Variants in ENOX1 observed in about 807,000 individuals in gnomAD.
The protein encoded by ENOX1 is candidate growth-related and time keeping constitutive hydroquinone (NADH) oxidase.
A neutral mutation model predicts 82.5 loss-of-function variants in ENOX1; 42 were observed. The observed-to-expected ratio is 0.51, with a 90% confidence interval of 0.40 to 0.66. ENOX1 has a LOEUF of 0.66. Ranked by LOEUF, ENOX1 falls within the 30% of genes least tolerant of loss-of-function variation. The pLI, the probability that ENOX1 is intolerant of heterozygous loss-of-function variation, is 0.00. For synonymous variants in ENOX1, 271 were observed against 282.2 expected, an observed-to-expected ratio of 0.96 and a Z score of 0.40; for missense variants, 608 against 811.6, an observed-to-expected ratio of 0.75 and a Z score of 3.05.
intron 2 of ENOX1, among the ~76,000 whole-genome samples, chr13:43,582,268 A>G (rs936101005): frequency 2.6e-5 from 4 of 152,182 alleles, no homozygotes; most frequent in Non-Finnish European, 5.9e-5. Flanking sequence ...CAGGATAGCT[A>G]AAGTCATGCT....
intron 12 of ENOX1, among the ~76,000 whole-genome samples, chr13:43,281,784 T>C (rs1226487508): frequency 3.9e-5 from 6 of 152,186 alleles, no homozygotes; most frequent in African/African-American, 1.4e-4. Flanking sequence ...AAGGTTAGTG[T>C]TGATGACTTT....
chr13:43,453,308 C>T (rs78516042), intron 3 of ENOX1, among the ~76,000 whole-genome samples: 2,214 of 152,268 alleles, frequency 0.015, 49 homozygotes, highest in African/African-American at 0.05. Flanking sequence ...TACTAGCAAA[C>T]TTTTAGGGAG....
chr13:43,238,571 G>A (rs1390047668), intron 14 of ENOX1, among the ~76,000 whole-genome samples: 8 of 152,142 alleles, frequency 5.3e-5, no homozygotes, highest in Admixed American at 5.2e-4. Context: ...GGACTTCCAG[G>A]CCTGGGAGGT....
intron 2 of ENOX1, among the ~76,000 whole-genome samples, chr13:43,658,249 T>A (rs2084541745): frequency 6.6e-6 from 1 of 152,238 alleles, no homozygotes; most frequent in Admixed American, 6.5e-5. Context: ...GCTTCCTACA[T>A]TATTTAGTAT....
At chr13:43,645,408 C>G (rs1594240898) in intron 2 of ENOX1, among the ~76,000 whole-genome samples, 1 of 152,256 alleles carries the variant, frequency 6.6e-6, no homozygotes, top group East Asian at 1.9e-4. Flanking sequence ...ATCCTGCCAC[C>G]AGAGCCTACC....
In ENOX1 at chr13:43,359,934, G is replaced by C; in HGVS notation, c.506C>G (p.Thr169Arg). 1 of 1,614,174 alleles carries C rather than the reference G, an allele frequency of 6.2e-7. No homozygotes were observed. Among genetic ancestry groups the C allele is most frequent in the Non-Finnish European group, 8.5e-7 (1 of 1,180,012 alleles). ...QEVFEQCGDI[T>R]AIRKSKKNFC... ...ATTCTTCTTGCTTTTCCGAATTGCT[G>C]TAATATCACCGCACTGTTCAAAGAC... is the stretch of plus-strand genomic sequence containing the variant. The change falls in exon 7 of 17, where the codon ACA becomes AGA. Residue 169 changes from threonine (T) to arginine (R), a missense_variant. Thr to Arg is a moderately conservative substitution (Grantham distance 71). Coordinates refer to ENST00000690772, the MANE Select transcript of ENOX1 (RefSeq NM_001347969.2).
At chr13:43,471,471 G>T (rs1035752320) in intron 3 of ENOX1, among the ~76,000 whole-genome samples, 3 of 152,110 alleles carry the variant, frequency 2.0e-5, no homozygotes, top group Non-Finnish European at 2.9e-5. Context: ...TAATGCACAC[G>T]TTCAAGTATT....
At chr13:43,468,371 TG>T (rs1222628997) in intron 3 of ENOX1, among the ~76,000 whole-genome samples, 5 of 151,816 alleles carry the variant, frequency 3.3e-5, no homozygotes, top group African/African-American at 7.3e-5. Flanking sequence ...TTAGTAGAGA[TG>T]GGGTTTCACC....
In ENOX1 at chr13:43,322,429, C is replaced by T. The variant is rs1304400599; in HGVS notation, c.1216G>A (p.Glu406Lys). 6.2e-7 allele frequency: 1 copy of T among 1,614,132 alleles called. No homozygotes were observed. Among genetic ancestry groups the T allele is most frequent in the Middle Eastern group, 1.7e-4 (1 of 6,060 alleles). The change falls in exon 11 of 17, where the codon GAG becomes AAG. Residue 406 changes from glutamate to lysine, a missense_variant. Coordinates refer to ENST00000690772, the MANE Select transcript of ENOX1 (RefSeq NM_001347969.2). ...TTCTTTGTAGGGCTGTCACAGTTCT[C>T]ATCATCAGACATTTCCATTTCTTCT... Reference protein sequence around the residue: ...REEEMEMSDDENCDSPTKKMR... With the variant: ...REEEMEMSDDKNCDSPTKKMR...
chr13:43,664,811 A>T (rs1433208014), intron 2 of ENOX1, among the ~76,000 whole-genome samples: 1 of 152,196 alleles, frequency 6.6e-6, no homozygotes, highest in Non-Finnish European at 1.5e-5. Flanking sequence ...CATGCCATAA[A>T]TATTTGCTGT....
At chr13:43,549,424 T>C (rs1378426812) in intron 2 of ENOX1, among the ~76,000 whole-genome samples, 3 of 152,302 alleles carry the variant, frequency 2.0e-5, no homozygotes, top group South Asian at 4.1e-4. Context: ...AAATAACTCA[T>C]TAGGAAGCAC....
intron 3 of ENOX1, among the ~76,000 whole-genome samples, chr13:43,475,499 C>T (rs901911049): frequency 5.3e-5 from 8 of 152,068 alleles, no homozygotes; most frequent in Admixed American, 5.2e-4. Flanking sequence ...ATCCTATAAA[C>T]TCAACTTTCA....
chr13:43,470,378 A>ATATATG (rs2058005026), intron 3 of ENOX1, among the ~76,000 whole-genome samples: 1 of 35,724 alleles, frequency 2.8e-5, no homozygotes, highest in African/African-American at 8.4e-5. Context: ...ATATATATAC[A>ATATATG]TATATATACG....
chr13:43,715,741 T>A (rs2088075750), intron 1 of ENOX1, among the ~76,000 whole-genome samples: 1 of 152,240 alleles, frequency 6.6e-6, no homozygotes, highest in Non-Finnish European at 1.5e-5. Context: ...TGATACCCTT[T>A]CTTCCAGTTG....
intron 1 of ENOX1, among the ~76,000 whole-genome samples, chr13:43,727,963 C>T (rs1220530731): frequency 6.6e-6 from 1 of 152,164 alleles, no homozygotes; most frequent in African/African-American, 2.4e-5. Flanking sequence ...TTAACAAAAG[C>T]TTCCCCAACG....
chr13:43,754,209 A>C (rs1950507943), intron 1 of ENOX1, among the ~76,000 whole-genome samples: 1 of 147,888 alleles, frequency 6.8e-6, no homozygotes, highest in Admixed American at 6.8e-5. Flanking sequence ...GTATATGTAT[A>C]TATGTGTGTA....
Position 43,303,226 on chromosome 13 carries a change from T to C in ENOX1, c.1262-4696A>G, listed in dbSNP as rs1413384281. The stretch of plus-strand genomic sequence containing the variant: ...GGCAGAGGCAGGCTGGCCTGGCAAA[T>C]GTCACCACAATATCTGTGTGCCTTC... On this transcript the variant is annotated intron_variant, in intron 11 of 16. Transcript: ENST00000690772. 2.0e-5 allele frequency among the ~76,000 whole-genome samples: 3 copies of C among 152,328 alleles called. No individual in the cohort carries two copies. The East Asian group carries it at 5.8e-4, about 29-fold the overall frequency.
intron 2 of ENOX1, among the ~76,000 whole-genome samples, chr13:43,550,662 A>G (rs2079155315): frequency 6.6e-6 from 1 of 152,174 alleles, no homozygotes; most frequent in South Asian, 2.1e-4. Flanking sequence ...TACTGGCCCA[A>G]TTTATAGGTG....
chr13:43,603,246 C>T (rs938563552), intron 2 of ENOX1, among the ~76,000 whole-genome samples: 11 of 152,060 alleles, frequency 7.2e-5, no homozygotes, highest in African/African-American at 2.2e-4. Context: ...TATTGTCATG[C>T]TTTTCCCCAT....
Sources: gnomAD v4.1 joint callset for allele counts (sites outside exome capture counted in the v4.1 genomes callset) on GRCh38, gnomAD v4.1.1 for gene constraint, MANE v1.5 for transcripts, NCBI Gene and HGNC (gene_info 2026-07-23, HGNC 2026-07-21) for gene names.